Variants in GNG7 observed in about 807,000 individuals in gnomAD.
The protein encoded by GNG7 is G protein subunit gamma 7.
A neutral mutation model predicts 4.0 loss-of-function variants in GNG7; 1 was observed. The observed-to-expected ratio is 0.25, with a 90% CI of 0.09 to 1.18. GNG7 has a LOEUF of 1.18. Among genes scored for constraint, GNG7 ranks in the 50% most tolerant of loss-of-function variants. The pLI, the probability that GNG7 is intolerant of heterozygous loss-of-function variation, is 0.50. For missense variants in GNG7, 86 were observed against 91.9 expected (o/e 0.94, Z 0.26); for synonymous variants, 34 against 36.9 (o/e 0.92, Z 0.29).
At chr19:2,593,943 A>AAAAC (rs1980929470) in intron 2 of GNG7, among the ~76,000 whole-genome samples, 2 of 151,092 alleles carry the variant, frequency 1.3e-5, no homozygotes, top group South Asian at 4.2e-4. Context: ...AAAAAAAAAA[A>AAAAC]CTTTCTTACC....
chr19:2,627,741 G>T (rs1248503763), intron 2 of GNG7, among the ~76,000 whole-genome samples: 1 of 152,238 alleles, frequency 6.6e-6, no homozygotes, highest in Non-Finnish European at 1.5e-5. Context: ...AGCCCGGGGA[G>T]TTGCATGTGC....
intron 3 of GNG7, among the ~76,000 whole-genome samples, chr19:2,543,074 G>A (rs894990278): frequency 2.0e-5 from 3 of 151,538 alleles, no homozygotes; most frequent in African/African-American, 7.3e-5. Context: ...CACCACACCA[G>A]GCTTATTTTT....
intron 3 of GNG7, among the ~76,000 whole-genome samples, chr19:2,548,264 A>G (rs113148071): frequency 0.043 from 6,494 of 151,980 alleles, 466 homozygotes; most frequent in African/African-American, 0.15. Flanking sequence ...GGATTGCCTG[A>G]GCTCAGGAGT....
At chr19:2,638,906 C>CA (rs1209855865) in intron 2 of GNG7, among the ~76,000 whole-genome samples, 1 of 151,784 alleles carries the variant, frequency 6.6e-6, no homozygotes, top group African/African-American at 2.4e-5. Flanking sequence ...GGAAGAGATC[C>CA]ATAAAAAAAA....
intron 2 of GNG7, among the ~76,000 whole-genome samples, chr19:2,637,410 C>T (rs1375103456): frequency 6.6e-6 from 1 of 152,130 alleles, no homozygotes; most frequent in Non-Finnish European, 1.5e-5. Flanking sequence ...GGCGCCTGCA[C>T]CCCTCACAGC....
chr19:2,584,201 G>A (rs960330714), intron 2 of GNG7, among the ~76,000 whole-genome samples: 2 of 151,712 alleles, frequency 1.3e-5, no homozygotes, highest in Non-Finnish European at 2.9e-5. Context: ...CTACCACTTC[G>A]GGAGGCTGAG....
intron 2 of GNG7, among the ~76,000 whole-genome samples, chr19:2,608,814 C>A (rs1981473999): frequency 6.6e-6 from 1 of 152,226 alleles, no homozygotes; most frequent in African/African-American, 2.4e-5. Flanking sequence ...CTGAGGGCCT[C>A]ATCAGACCCC....
intron 3 of GNG7, among the ~76,000 whole-genome samples, chr19:2,533,175 AAAAAT>A (rs1423212024): frequency 6.6e-6 from 1 of 150,812 alleles, no homozygotes; most frequent in Non-Finnish European, 1.5e-5. Flanking sequence ...TGTATTCTAA[AAAAAT>A]AAAAGATAAT....
chr19:2,570,699 G>T (rs1314327439), intron 2 of GNG7, among the ~76,000 whole-genome samples: 1 of 152,214 alleles, frequency 6.6e-6, no homozygotes, highest in East Asian at 1.9e-4. Context: ...TTTTCCAGGA[G>T]CAGACAGCGC....
intron 2 of GNG7, among the ~76,000 whole-genome samples, chr19:2,616,323 CA>C (rs1981723115): frequency 6.6e-6 from 1 of 152,092 alleles, no homozygotes; most frequent in Non-Finnish European, 1.5e-5. Flanking sequence ...CGACTCATTG[CA>C]ACCTCTGCCT....
At chr19:2,565,207 T>C (rs1355096539) in intron 2 of GNG7, among the ~76,000 whole-genome samples, 2 of 151,808 alleles carry the variant, frequency 1.3e-5, no homozygotes, top group African/African-American at 4.8e-5. Context: ...GTGTGCACCC[T>C]GCAGGCTCAA....
intron 2 of GNG7, among the ~76,000 whole-genome samples, chr19:2,568,920 T>C (rs1038832846): frequency 2.0e-5 from 3 of 151,838 alleles, no homozygotes; most frequent in Admixed American, 6.6e-5. Context: ...CACATATACA[T>C]ACATATACAA....
At chr19:2,602,600 A>G (rs1041810523) in intron 2 of GNG7, among the ~76,000 whole-genome samples, 1 of 152,200 alleles carries the variant, frequency 6.6e-6, no homozygotes, top group African/African-American at 2.4e-5. Flanking sequence ...GGGATCTCCA[A>G]CCGGGCCCCG....
intron 1 of GNG7, among the ~76,000 whole-genome samples, chr19:2,661,875 A>C (rs966541399): frequency 6.6e-6 from 1 of 151,938 alleles, no homozygotes; most frequent in African/African-American, 2.4e-5. Context: ...ATTCACTGCC[A>C]GAATCACCCA....
At chr19:2,644,221 A>G (rs1982596451) in intron 2 of GNG7, among the ~76,000 whole-genome samples, 1 of 151,082 alleles carries the variant, frequency 6.6e-6, no homozygotes, top group Non-Finnish European at 1.5e-5. Flanking sequence ...GGGTTTCGCC[A>G]TGTTGGCCAG....
chr19:2,668,666 C>T (rs1455397514), intron 1 of GNG7, among the ~76,000 whole-genome samples: 1 of 152,070 alleles, frequency 6.6e-6, no homozygotes, highest in East Asian at 1.9e-4. Context: ...AGGAGGGCTG[C>T]AGTTTTATGG....
At chr19:2,687,037 C>A (rs1465517850) in intron 1 of GNG7, among the ~76,000 whole-genome samples, 2 of 150,884 alleles carry the variant, frequency 1.3e-5, no homozygotes, top group African/African-American at 2.4e-5. Context: ...CAGGCGTGAG[C>A]CACCGCGCCT....
At chr19:2,548,576 G>A (rs939751439) in intron 3 of GNG7, among the ~76,000 whole-genome samples, 1 of 149,546 alleles carries the variant, frequency 6.7e-6, no homozygotes, top group African/African-American at 2.5e-5. Context: ...CTCACTTGAG[G>A]TCAGGAGTTC....
At chr19:2,565,851 T>C (rs1410839774) in intron 2 of GNG7, among the ~76,000 whole-genome samples, 4 of 152,096 alleles carry the variant, frequency 2.6e-5, no homozygotes, top group African/African-American at 9.7e-5. Context: ...GAATGATGTG[T>C]GCAGACATTT....
Sources: allele counts gnomAD v4.1 joint callset (sites outside exome capture counted in the v4.1 genomes callset), GRCh38; gene constraint gnomAD v4.1.1; transcripts MANE v1.5; gene names NCBI Gene and HGNC (gene_info 2026-07-23, HGNC 2026-07-21).